The following CSMD3 variants were observed in gnomAD, a reference collection of about 807,000 sequenced individuals.
The protein encoded by CSMD3 is CUB and Sushi multiple domains 3.
CSMD3 carries 177 observed loss-of-function variants against 435.2 expected under a neutral mutation model. That is an observed-to-expected ratio of 0.41 (90% confidence interval 0.36 to 0.46). The LOEUF (loss-of-function observed/expected upper bound fraction) is 0.46. CSMD3 is among the 20% of genes least tolerant of loss of function. The pLI is 0.34. For missense variants in CSMD3, 4,265 were observed against 4,504.6 expected, an observed-to-expected ratio of 0.95 and a Z score of 1.52; for synonymous variants, 1,656 against 1,520.5, an observed-to-expected ratio of 1.09 and a Z score of -2.07.
rs3048832 is a variant in CSMD3, at chr8:113,218,103, C to CATATAT, written c.515-44193_515-44188dup. Among the ~76,000 whole-genome samples, 238 of 146,882 alleles carry CATATAT rather than the reference C, an allele frequency of 1.6e-3. 1 individual carries two copies. The highest frequency in any genetic ancestry group is 5.4e-3 in the African/African-American group (218 of 40,318). ...CTTTCAGCACTTTAAATATGCTATT[C>CATATAT]ATATATATATATATATTTTAATATT... On this transcript the variant is annotated intron_variant, in intron 3 of 70. Coordinates refer to ENST00000297405, the MANE Select transcript of CSMD3 (RefSeq NM_198123.2).
rs556890839 is a variant in CSMD3 at position 112,264,887 on chromosome 8, C to T, written c.9688+524G>A. ...AAAATATTTCCAGTGGAAAAACAAA[C>T]AGCATAAAGTAGCAAATTTATGGCT... On this transcript the variant is annotated intron_variant, in intron 60 of 70. Coordinates refer to ENST00000297405, the MANE Select transcript of CSMD3 (RefSeq NM_198123.2). Among the ~76,000 whole-genome samples, 18 of 152,010 alleles carry T rather than the reference C, an allele frequency of 1.2e-4. No homozygotes were observed. The South Asian group carries it at 3.7e-3, about 32-fold the overall frequency.
chr8:113,161,639 T>C (rs2092041227), intron 4 of CSMD3, among the ~76,000 whole-genome samples: 1 of 152,068 alleles, frequency 6.6e-6, no homozygotes, highest in African/African-American at 2.4e-5. Context: ...ATAGATACTT[T>C]TACCGGAACA....
intron 1 of CSMD3, among the ~76,000 whole-genome samples, chr8:113,410,010 C>G (rs1228745351): frequency 6.6e-6 from 1 of 152,044 alleles, no homozygotes; most frequent in African/African-American, 2.4e-5. Flanking sequence ...TTTCCATAGA[C>G]GAATACCTTT....
chr8:112,256,332 C>T (rs570185655), intron 61 of CSMD3, among the ~76,000 whole-genome samples: 1 of 151,966 alleles, frequency 6.6e-6, no homozygotes, highest in East Asian at 1.9e-4. Flanking sequence ...CAAAAGAGAT[C>T]AAGCCTGTAT....
chr8:112,679,319 C>A (rs927152929), intron 16 of CSMD3, among the ~76,000 whole-genome samples: 1 of 152,004 alleles, frequency 6.6e-6, no homozygotes, highest in Admixed American at 6.6e-5. Flanking sequence ...AGAGTAGTAA[C>A]CTGGCAAGGG....
chr8:113,050,807 T>C (rs1411931472), intron 5 of CSMD3, among the ~76,000 whole-genome samples: 1 of 152,038 alleles, frequency 6.6e-6, no homozygotes, highest in Non-Finnish European at 1.5e-5. Context: ...ATTAAGCATA[T>C]GAGCCAATCC....
At chr8:112,378,092 G>C (rs544131314) in intron 38 of CSMD3, among the ~76,000 whole-genome samples, 2 of 152,064 alleles carry the variant, frequency 1.3e-5, no homozygotes, top group East Asian at 3.9e-4. Context: ...CCTAAATGCA[G>C]AACAACATGA....
At chr8:112,410,652 G>GTA (rs765482386) in intron 32 of CSMD3, among the ~76,000 whole-genome samples, 7,165 of 35,290 alleles carry the variant, frequency 0.2, 948 homozygotes, top group African/African-American at 0.33. Flanking sequence ...ATATATATGT[G>GTA]TATATATATG....
chr8:113,376,653 G>A, intron 1 of CSMD3: 1 of 1,488,714 alleles, frequency 6.7e-7, no homozygotes, highest in Non-Finnish European at 9.4e-7. Flanking sequence ...GACCTGGCCA[G>A]GCAGGAGGCG....
At chr8:112,853,277 G>C (rs952729423) in intron 11 of CSMD3, among the ~76,000 whole-genome samples, 4 of 152,064 alleles carry the variant, frequency 2.6e-5, no homozygotes, top group African/African-American at 9.7e-5. Context: ...CCAGGCTGGA[G>C]TGCAGTGGCA....
At chr8:112,689,531 CT>C (rs2076086384) in intron 14 of CSMD3, among the ~76,000 whole-genome samples, 1 of 151,914 alleles carries the variant, frequency 6.6e-6, no homozygotes. Flanking sequence ...CATATACTAT[CT>C]TATTAAAATA....
In CSMD3 at chr8:113,306,368, T is replaced by A. The variant is rs1190538851; in HGVS notation, c.401+8203A>T. Reference sequence around the variant, plus strand: ...GGATTGAGTTATATCACTCTCAATGTAATCTTTAGGAAAACTTGGAGATAG... The same window carrying A: ...GGATTGAGTTATATCACTCTCAATGAAATCTTTAGGAAAACTTGGAGATAG... On this transcript the variant is annotated intron_variant, in intron 2 of 70. Transcript: ENST00000297405. 2.0e-5 allele frequency among the ~76,000 whole-genome samples: 3 copies of A among 152,160 alleles called. No individual in the cohort carries two copies. The East Asian group carries it at 5.8e-4, about 29-fold the overall frequency.
At chr8:112,403,880 T>C (rs190250424) in intron 35 of CSMD3, among the ~76,000 whole-genome samples, 3 of 152,282 alleles carry the variant, frequency 2.0e-5, no homozygotes, top group Admixed American at 2.0e-4. Context: ...AGCTAAAAGA[T>C]AAGAAAATTG....
intron 5 of CSMD3, among the ~76,000 whole-genome samples, chr8:113,059,863 G>T (rs536159592): frequency 1.3e-5 from 2 of 152,254 alleles, no homozygotes; most frequent in African/African-American, 4.8e-5. Context: ...AAAATAAGCA[G>T]CCAGAGAGTT....
intron 13 of CSMD3, among the ~76,000 whole-genome samples, chr8:112,729,288 G>A (rs2077028180): frequency 1.3e-5 from 2 of 151,980 alleles, no homozygotes; most frequent in South Asian, 4.1e-4. Flanking sequence ...CATTTAACAG[G>A]AAGGATGAAC....
chr8:112,779,568 C>T (rs1318748427), intron 13 of CSMD3, among the ~76,000 whole-genome samples: 1 of 151,924 alleles, frequency 6.6e-6, no homozygotes, highest in Non-Finnish European at 1.5e-5. Context: ...CAGCCCATCA[C>T]AGAGTTGTGA....
Position 112,669,623 on chromosome 8 carries a change from A to C in CSMD3, c.2678-3208T>G, listed in dbSNP as rs535424132. ...AACAAGAAAAATTTGGAATATACAG[A>C]AAGCAAAAAGGGGACCAAGGCCATA... On this transcript the variant is annotated intron_variant, in intron 16 of 70. Transcript: ENST00000297405. Among the ~76,000 whole-genome samples the C allele has an allele frequency of 1.7e-3, 265 of 152,292 alleles. 1 individual carries two copies. The highest frequency in any genetic ancestry group is 6.0e-3 in the African/African-American group (250 of 41,572).
chr8:112,966,583 T>C (rs1207785271), intron 7 of CSMD3, among the ~76,000 whole-genome samples: 1 of 151,782 alleles, frequency 6.6e-6, no homozygotes, highest in African/African-American at 2.4e-5. Context: ...TGTATTTTTC[T>C]CTTTGTTATT....
intron 1 of CSMD3, among the ~76,000 whole-genome samples, chr8:113,381,963 CTA>C (rs1173318539): frequency 4.6e-5 from 7 of 152,026 alleles, no homozygotes; most frequent in Non-Finnish European, 7.4e-5. Context: ...ATTAGCATCT[CTA>C]AAAATTAATG....
Sources: gnomAD v4.1 joint callset for allele counts (sites outside exome capture counted in the v4.1 genomes callset) on GRCh38, gnomAD v4.1.1 for gene constraint, MANE v1.5 for transcripts, NCBI Gene and HGNC (gene_info 2026-07-23, HGNC 2026-07-21) for gene names.